TRIP13: variants seen among roughly 807,000 people sequenced by gnomAD.
The protein encoded by TRIP13 is pachytene checkpoint protein 2 homolog.
In TRIP13, 25 loss-of-function variants were observed where a neutral mutation model predicts 54.4. The ratio of observed to expected loss-of-function variants is 0.46; its 90% CI spans 0.33 to 0.64. TRIP13 has a LOEUF of 0.64. Among genes scored for constraint, TRIP13 ranks in the 30% least tolerant of loss-of-function variants. TRIP13 has a pLI of 0.02. For synonymous variants in TRIP13, 207 were observed against 207.8 expected (o/e 1.00, Z 0.03); for missense variants, 373 against 534.2 (o/e 0.70, Z 2.97).
chr5:896,790 T>G lies in TRIP13; in HGVS notation c.384T>G (p.Pro128=). ...NIIAANHWVL[P]AAEFHGLWDS... ...TTGCAGCAAATCACTGGGTTCTACC[T>G]GCAGGTATGGGGTGTGATGGGAGTT... Residue 128 remains proline, a synonymous_variant, in exon 3 of 13, where the codon CCT becomes CCG. Coordinates refer to ENST00000166345, the MANE Select transcript of TRIP13 (RefSeq NM_004237.4). The G allele has an allele frequency of 1.9e-6, 3 of 1,613,164 alleles. No homozygotes were observed. The highest frequency in any genetic ancestry group is 2.5e-6 in the Non-Finnish European group (3 of 1,179,488).
Position 904,609 on chromosome 5 carries a change from A to T in TRIP13, c.608+389A>T, listed in dbSNP as rs117388591. On this transcript the variant is annotated intron_variant, in intron 6 of 12. Coordinates refer to ENST00000166345, the MANE Select transcript of TRIP13 (RefSeq NM_004237.4). The stretch of plus-strand genomic sequence containing the variant: ...CTGAATTTCCTTGACCCTCCCCTTT[A>T]TCTGGGACTCTGTCTGCTTTCATGT... Among the ~76,000 whole-genome samples the T allele has an allele frequency of 1.7e-4, 26 of 151,470 alleles. No homozygotes were observed. In the East Asian group the frequency reaches 5.0e-3, roughly 29 times the overall value.
chr5:904,087 G>A, intron 5 of TRIP13, 61 bp from the exon 6 acceptor site: 2 of 1,486,376 alleles, frequency 1.3e-6, no homozygotes, highest in South Asian at 2.5e-5. Flanking sequence ...AGTTACTGTT[G>A]TTTTAAGAAA....
intron 6 of TRIP13, among the ~76,000 whole-genome samples, chr5:905,860 A>T (rs968014539): frequency 6.6e-6 from 1 of 152,210 alleles, no homozygotes; most frequent in Non-Finnish European, 1.5e-5. Flanking sequence ...TTGACCCCTT[A>T]GCTTATGTTT....
In TRIP13 at chr5:913,506, C is replaced by T. The variant is rs1754283026; in HGVS notation, c.1021-959C>T. 6.6e-6 allele frequency among the ~76,000 whole-genome samples: 1 copy of T among 152,164 alleles called. No individual in the cohort carries two copies. The highest frequency in any genetic ancestry group is 2.4e-5 in the African/African-American group (1 of 41,448). ...GAGTAGCTGGGATTACAGGTGCATG[C>T]CACCACACCTGGCTAATTTTTGTAT... On this transcript the variant is annotated intron_variant, in intron 10 of 12. Coordinates refer to ENST00000166345, the MANE Select transcript of TRIP13 (RefSeq NM_004237.4). This position sits in a 1 kb window ranked among gnomAD's most constrained non-coding sequence, Gnocchi z 4.5.
rs1198934321 is a variant in TRIP13, at chr5:907,685, T to C, written c.673-303T>C. 6.6e-6 allele frequency among the ~76,000 whole-genome samples: 1 copy of C among 152,200 alleles called. No homozygotes were observed. Among genetic ancestry groups the C allele is most frequent in the African/African-American group, 2.4e-5 (1 of 41,454 alleles). On this transcript the variant is annotated intron_variant, in intron 7 of 12. Coordinates refer to ENST00000166345, the MANE Select transcript of TRIP13 (RefSeq NM_004237.4). This position sits in a 1 kb window ranked among gnomAD's most constrained non-coding sequence, Gnocchi z 4.1. ...GTTTGCATCTGTGGTCTGCCTCTTT[T>C]CCTCATCAGAGAGGACACACAGGTA...
rs2150693875 is a variant in TRIP13 at position 917,741 on chromosome 5, TC to T, written c.*640del. On this transcript the variant is annotated 3_prime_UTR_variant, in exon 13 of 13. Transcript: ENST00000166345. ...CAGGAAAAGTGCAGACTCTGAGTGT[TC>T]CAGGGAAACACATGCTGGACATCCC... is the stretch of plus-strand genomic sequence containing the variant. 6.6e-6 allele frequency: 1 copy of T among 152,370 alleles called. No individual in the cohort carries two copies. The highest frequency in any genetic ancestry group is 2.4e-5 in the African/African-American group (1 of 41,588). The allele number at this position is 152,370 out of a possible 1,614,324, so 9.4% of individuals were successfully genotyped here.
At chr5:903,882 G>A (rs1335738287) in intron 5 of TRIP13, among the ~76,000 whole-genome samples, 1 of 152,178 alleles carries the variant, frequency 6.6e-6, no homozygotes, top group Non-Finnish European at 1.5e-5. Context: ...AGGCCGAGAA[G>A]CTGGGAGCAG....
At chr5:914,409 G>T (rs891224135) in intron 10 of TRIP13, 56 bp from the exon 11 acceptor site, 3 of 1,246,202 alleles carry the variant, frequency 2.4e-6, no homozygotes, top group Admixed American at 3.5e-5. Flanking sequence ...TGCTGACGGT[G>T]CCTACGCTCA....
chr5:917,213 C>A lies in TRIP13; in HGVS notation c.*110C>A. On this transcript the variant is annotated 3_prime_UTR_variant, in exon 13 of 13. Coordinates refer to ENST00000166345, the MANE Select transcript of TRIP13 (RefSeq NM_004237.4). ...AATCCCTTCTGCAAACCAAACGTTACTTAGACTGCAAGCTAGAAAGCCACC... is the reference window on the plus strand; with the variant it reads ...AATCCCTTCTGCAAACCAAACGTTAATTAGACTGCAAGCTAGAAAGCCACC... 1.0e-6 allele frequency: 1 copy of A among 987,764 alleles called. No individual in the cohort carries two copies. The highest frequency in any genetic ancestry group is 1.6e-5 in the South Asian group (1 of 61,584). The allele number at this position is 987,764 out of a possible 1,614,324, so 61.2% of individuals were successfully genotyped here.
In TRIP13 at chr5:915,911, G is replaced by A. The variant is rs765658205; in HGVS notation, c.1141G>A (p.Glu381Lys). The change falls in exon 12 of 13, where the codon GAG (glutamate) becomes AAG (lysine). Residue 381 changes from glutamate to lysine, a missense_variant. Physicochemically the swap from Glu to Lys is moderately conservative, Grantham distance 56. Transcript: ENST00000166345. The surrounding 1 kb of genome is among the most constrained non-coding windows in gnomAD (Gnocchi z 4.2). ...LLLNDISRKS[E>K]GLSGRVLRKL... ...TGGGTTTTCTTTACACAGGAAGAGC[G>A]AGGGCCTCAGCGGCCGGGTCCTGAG... 9.3e-6 allele frequency: 15 copies of A among 1,614,010 alleles called. No individual in the cohort carries two copies. Among genetic ancestry groups the A allele is most frequent in the South Asian group, 4.4e-5 (4 of 91,086 alleles).
Position 915,732 on chromosome 5 carries a change from G to C in TRIP13, c.1134-172G>C, listed in dbSNP as rs564865071. On this transcript the variant is annotated intron_variant, in intron 11 of 12. Coordinates refer to ENST00000166345, the MANE Select transcript of TRIP13 (RefSeq NM_004237.4). The surrounding 1 kb of genome is among the most constrained non-coding windows in gnomAD (Gnocchi z 4.2). ...GAGGCCGGGGGCAAAGAGACATTCA[G>C]AGGGCAAGGCTCAGGAGACCAGTGA... Among the ~76,000 whole-genome samples the C allele has an allele frequency of 6.6e-6, 1 of 152,322 alleles. No individual in the cohort carries two copies. The highest frequency in any genetic ancestry group is 1.5e-5 in the Non-Finnish European group (1 of 68,018).
rs143998019 is a variant in TRIP13, at chr5:908,393, G to A, written c.798G>A (p.Ala266=). ...CAGCCGCCCGAAATGCCTGCAGGGC[G>A]GGCACCGAGCCATCAGATGCCATCC... The part of the protein sequence containing the change: ...SLTAARNACR[A]GTEPSDAIRV... The change falls in exon 9 of 13, where the codon GCG becomes GCA. Residue 266 remains alanine, a synonymous_variant. Transcript: ENST00000166345. The surrounding 1 kb of genome is among the most constrained non-coding windows in gnomAD (Gnocchi z 5.2). 3.6e-5 allele frequency: 58 copies of A among 1,613,166 alleles called. No homozygotes were observed. In the African/African-American group the frequency reaches 3.6e-4, roughly 10 times the overall value.
Position 913,420 on chromosome 5 carries a change from A to G in TRIP13, c.1021-1045A>G, listed in dbSNP as rs1024312837. Among the ~76,000 whole-genome samples, 1 of 152,222 alleles carries G rather than the reference A, an allele frequency of 6.6e-6. No homozygotes were observed. The highest frequency in any genetic ancestry group is 2.4e-5 in the African/African-American group (1 of 41,456). The stretch of plus-strand genomic sequence containing the variant: ...CCTAGAGCTGGAGTACAGTGGTGCC[A>G]TCGCAGCTCACTGCAACCTCCGCCT... On this transcript the variant is annotated intron_variant, in intron 10 of 12. Coordinates refer to ENST00000166345, the MANE Select transcript of TRIP13 (RefSeq NM_004237.4). The surrounding 1 kb of genome is among the most constrained non-coding windows in gnomAD (Gnocchi z 4.5).
Position 912,084 on chromosome 5 carries a change from A to G in TRIP13, c.1020+88A>G, listed in dbSNP as rs892164271. ...AGATAGCTTAAAATAAGCTCGTTCC[A>G]GTACGGAGGATTTCAACATATGCAT... On this transcript the variant is annotated intron_variant, in intron 10 of 12. Coordinates refer to ENST00000166345, the MANE Select transcript of TRIP13 (RefSeq NM_004237.4). The surrounding 1 kb of genome is among the most constrained non-coding windows in gnomAD (Gnocchi z 7.2). 19 of 1,482,006 alleles carry G rather than the reference A, an allele frequency of 1.3e-5. No individual in the cohort carries two copies. The Middle Eastern group carries it at 8.9e-4, about 70-fold the overall frequency. 91.8% of individuals were successfully genotyped at this position (1,482,006 alleles called of 1,614,324 possible).
Position 915,855 on chromosome 5 carries a change from C to A in TRIP13, c.1134-49C>A. ...CCAATGAGGAAAATTAGTCCTGAAACGTGTGATTGTATAAATTGCTGTCTC... is the reference window on the plus strand; with the variant it reads ...CCAATGAGGAAAATTAGTCCTGAAAAGTGTGATTGTATAAATTGCTGTCTC... On this transcript the variant is annotated intron_variant, in intron 11 of 12. Transcript: ENST00000166345. The surrounding 1 kb of genome is among the most constrained non-coding windows in gnomAD (Gnocchi z 4.2). The A allele has an allele frequency of 1.9e-6, 3 of 1,597,738 alleles. No homozygotes were observed. Among genetic ancestry groups the A allele is most frequent in the Non-Finnish European group, 2.6e-6 (3 of 1,165,144 alleles).
intron 6 of TRIP13, among the ~76,000 whole-genome samples, chr5:905,144 T>G (rs1312604829): frequency 6.6e-6 from 1 of 152,202 alleles, no homozygotes; most frequent in Non-Finnish European, 1.5e-5. Flanking sequence ...GAGGTTTGGT[T>G]TTTTTAAGCT....
chr5:893,220 G>A (rs1753732762), intron 1 of TRIP13, 130 bp downstream of exon 1: 3 of 929,788 alleles, frequency 3.2e-6, no homozygotes, highest in Non-Finnish European at 3.1e-6. Context: ...CGGCCCGACT[G>A]GACCCGGGCG....
In TRIP13 at chr5:908,292, C is replaced by A; in HGVS notation, c.760-63C>A. On this transcript the variant is annotated intron_variant, in intron 8 of 12. Transcript: ENST00000166345. This position sits in a 1 kb window ranked among gnomAD's most constrained non-coding sequence, Gnocchi z 5.2. ...TTTCACGTGCTCAGCGGGACGTATC[C>A]CCATAGCTGCCTGTGAAGTGCCAGG... is the stretch of plus-strand genomic sequence containing the variant. 6.4e-7 allele frequency: 1 copy of A among 1,563,380 alleles called. No homozygotes were observed. Among genetic ancestry groups the A allele is most frequent in the South Asian group, 1.1e-5 (1 of 90,272 alleles).
chr5:911,455 C>T lies in TRIP13; in HGVS notation c.867-388C>T, dbSNP rs191232262. On this transcript the variant is annotated intron_variant, in intron 9 of 12. Transcript: ENST00000166345. The surrounding 1 kb of genome is among the most constrained non-coding windows in gnomAD (Gnocchi z 4.7). The stretch of plus-strand genomic sequence containing the variant: ...GCACGGTGGCGGGCGCCTGTAGTCC[C>T]GGCTACTTGGGAGGCTGAGGCAGGA... Among the ~76,000 whole-genome samples the T allele has an allele frequency of 1.7e-3, 265 of 152,174 alleles. 1 individual carries two copies. The highest frequency in any genetic ancestry group is 5.8e-3 in the African/African-American group (242 of 41,522).
Sources: gnomAD v4.1 joint callset for allele counts (sites outside exome capture counted in the v4.1 genomes callset) on GRCh38, gnomAD v4.1.1 for gene constraint, Gnocchi (gnomAD v3.1) non-coding constraint, MANE v1.5 for transcripts, NCBI Gene and HGNC (gene_info 2026-07-23, HGNC 2026-07-21) for gene names.